The following PCDHGB3 variants were observed in gnomAD, a reference collection of about 807,000 sequenced individuals.
PCDHGB3 encodes the protein protocadherin gamma subfamily B, 3.
Under a neutral mutation model 59.2 loss-of-function variants are expected in PCDHGB3, and 40 were observed. The ratio of observed to expected loss-of-function variants is 0.68; its 90% CI spans 0.52 to 0.88. The LOEUF (loss-of-function observed/expected upper bound fraction) is 0.88, where lower values mean the gene tolerates loss of function less well. PCDHGB3 is among the 40% of genes least tolerant of loss of function. PCDHGB3 has a pLI of 0.00. For missense variants in PCDHGB3, 1,309 were observed against 1,187.9 expected, an observed-to-expected ratio of 1.10 and a Z score of -1.50; for synonymous variants, 581 against 503.6, an observed-to-expected ratio of 1.15 and a Z score of -2.06.
intron 1 of PCDHGB3, chr5:141,376,311 T>A: frequency 1.2e-6 from 2 of 1,613,882 alleles, no homozygotes; most frequent in Non-Finnish European, 1.7e-6. Context: ...TTTGTGGGCG[T>A]GGAAGGGGTT....
chr5:141,485,278 C>T lies in PCDHGB3; in HGVS notation c.2416-9529C>T. On this transcript the variant is annotated intron_variant, in intron 1 of 3. Transcript: ENST00000576222. The surrounding 1 kb of genome is among the most constrained non-coding windows in gnomAD (Gnocchi z 5.7). ...TTTGTGGGCAGATCCGCTACCCGGTCCCAGAGGAGTCACAGGAAGGGACTT... is the reference window on the plus strand; with the variant it reads ...TTTGTGGGCAGATCCGCTACCCGGTTCCAGAGGAGTCACAGGAAGGGACTT... 1 of 1,614,064 alleles carries T rather than the reference C, an allele frequency of 6.2e-7. No homozygotes were observed. The highest frequency in any genetic ancestry group is 1.1e-5 in the South Asian group (1 of 91,080).
chr5:141,465,049 T>G (rs546927594), intron 1 of PCDHGB3, among the ~76,000 whole-genome samples: 1 of 152,016 alleles, frequency 6.6e-6, no homozygotes, highest in Non-Finnish European at 1.5e-5. Flanking sequence ...ACCCTATATA[T>G]TTTTTTGAAT....
intron 1 of PCDHGB3, chr5:141,441,780 C>A: frequency 2.6e-6 from 1 of 391,236 alleles, no homozygotes. Flanking sequence ...GGTGGACGAC[C>A]TGAATGACAA....
intron 1 of PCDHGB3, chr5:141,417,622 G>T (rs1036510827): frequency 1.5e-6 from 1 of 668,534 alleles, no homozygotes; most frequent in Non-Finnish European, 2.4e-6. Flanking sequence ...TGCAGAGCAA[G>T]CGCTGACGCC....
intron 1 of PCDHGB3, chr5:141,433,153 A>G (rs896611410): frequency 3.1e-6 from 5 of 1,613,482 alleles, no homozygotes; most frequent in African/African-American, 2.7e-5. Flanking sequence ...GTGATTCGGT[A>G]TTTTCTAAAG....
chr5:141,392,862 T>C (rs1334405895), intron 1 of PCDHGB3: 2 of 1,612,696 alleles, frequency 1.2e-6, no homozygotes, highest in Non-Finnish European at 1.7e-6. Flanking sequence ...GATCCTGCTG[T>C]GCGCGCTGCT....
intron 1 of PCDHGB3, chr5:141,410,249 G>A (rs371076854): frequency 1.2e-6 from 2 of 1,613,992 alleles, no homozygotes; most frequent in Non-Finnish European, 8.5e-7. Flanking sequence ...TGTACTCTCT[G>A]ACCCCCAGGC....
At chr5:141,483,187 GTTT>G (rs899657161) in intron 1 of PCDHGB3, among the ~76,000 whole-genome samples, 2 of 152,172 alleles carry the variant, frequency 1.3e-5, no homozygotes, top group African/African-American at 4.8e-5. Flanking sequence ...AAGCCAAGGA[GTTT>G]TTATTTTATT....
At chr5:141,384,596 C>T in intron 1 of PCDHGB3, 1 of 1,614,240 alleles carries the variant, frequency 6.2e-7, no homozygotes. Context: ...CTGTACCCGG[C>T]CCTCCCCACA....
chr5:141,395,409 T>G, intron 1 of PCDHGB3: 1 of 813,990 alleles, frequency 1.2e-6, no homozygotes, highest in East Asian at 2.8e-5. Context: ...AGTCATAGGT[T>G]ATTGTTTCAT....
intron 1 of PCDHGB3, among the ~76,000 whole-genome samples, chr5:141,492,421 C>G (rs986772215): frequency 5.9e-5 from 9 of 152,250 alleles, no homozygotes; most frequent in African/African-American, 1.9e-4. Context: ...CTCCCTCCGC[C>G]GGGCTCAGGA....
At chr5:141,430,931 G>C (rs781580216) in intron 1 of PCDHGB3, 2 of 1,607,530 alleles carry the variant, frequency 1.2e-6, no homozygotes, top group Admixed American at 1.7e-5. Flanking sequence ...GGAGCCCCGG[G>C]AGCTCGCGGA....
intron 1 of PCDHGB3, chr5:141,423,279 C>T: frequency 1.9e-6 from 3 of 1,614,032 alleles, no homozygotes; most frequent in Non-Finnish European, 2.5e-6. Flanking sequence ...CTCTGGCTAA[C>T]TCTGAAACCT....
rs779792543 is a variant in PCDHGB3 at position 141,486,994 on chromosome 5, C to T, written c.2416-7813C>T. ...ATTCAGGTTACAATGCTTGGGTTTCCTATCAGCTCCTGGAGGCCCCAGATC... is the reference window on the plus strand; with the variant it reads ...ATTCAGGTTACAATGCTTGGGTTTCTTATCAGCTCCTGGAGGCCCCAGATC... On this transcript the variant is annotated intron_variant, in intron 1 of 3. Coordinates refer to ENST00000576222, the MANE Select transcript of PCDHGB3 (RefSeq NM_018924.5). This position sits in a 1 kb window ranked among gnomAD's most constrained non-coding sequence, Gnocchi z 5.0. The T allele has an allele frequency of 6.2e-7, 1 of 1,614,214 alleles. No individual in the cohort carries two copies. The highest frequency in any genetic ancestry group is 8.5e-7 in the Non-Finnish European group (1 of 1,180,034).
chr5:141,393,979 AT>A (rs2092890598), intron 1 of PCDHGB3: 1 of 1,613,732 alleles, frequency 6.2e-7, no homozygotes, highest in South Asian at 1.1e-5. Context: ...ACACGTGATA[AT>A]TTACCTTTTA....
intron 1 of PCDHGB3, chr5:141,399,381 C>T: frequency 1.2e-6 from 2 of 1,613,982 alleles, no homozygotes; most frequent in Non-Finnish European, 8.5e-7. Flanking sequence ...ATGTCACCAT[C>T]ACAGCCACAG....
chr5:141,383,570 G>C (rs1312215313), intron 1 of PCDHGB3: 1 of 1,613,234 alleles, frequency 6.2e-7, no homozygotes, highest in South Asian at 1.1e-5. Flanking sequence ...CCCCGATCCA[G>C]CACCGCCCAC....
chr5:141,435,614 C>A, intron 1 of PCDHGB3, among the ~76,000 whole-genome samples: 1 of 152,056 alleles, frequency 6.6e-6, no homozygotes, highest in East Asian at 1.9e-4. Flanking sequence ...ACATTAAATT[C>A]CCCATAACTT....
At chr5:141,416,589 TTA>T (rs1386515449) in intron 1 of PCDHGB3, 2 of 151,996 alleles carry the variant, frequency 1.3e-5, no homozygotes, top group African/African-American at 4.8e-5. Context: ...CAAAATAAAC[TTA>T]GAGTCAAGAA....
Sources: gnomAD v4.1 joint callset for allele counts (sites outside exome capture counted in the v4.1 genomes callset) on GRCh38, gnomAD v4.1.1 for gene constraint, Gnocchi (gnomAD v3.1) non-coding constraint, MANE v1.5 for transcripts, NCBI Gene and HGNC (gene_info 2026-07-23, HGNC 2026-07-21) for gene names.